Variants in VTI1A observed in about 807,000 individuals in gnomAD.
VTI1A encodes vesicle transport through interaction with t-SNAREs homolog 1A.
In VTI1A, 22 loss-of-function variants were observed where a neutral mutation model predicts 34.9. That is an observed-to-expected ratio of 0.63 (90% CI 0.45 to 0.90). The LOEUF (loss-of-function observed/expected upper bound fraction) is 0.90, where lower values mean the gene tolerates loss of function less well. VTI1A is among the 40% of genes least tolerant of loss of function. The pLI is 0.00. For missense variants in VTI1A, 268 were observed against 275.6 expected (o/e 0.97, Z 0.20); for synonymous variants, 87 against 97.3 (o/e 0.89, Z 0.62).
intron 7 of VTI1A, among the ~76,000 whole-genome samples, chr10:112,707,195 T>C (rs905438886): frequency 6.6e-6 from 1 of 152,140 alleles, no homozygotes; most frequent in South Asian, 2.1e-4. Context: ...GAACTCATTT[T>C]GTCACCTAGG....
chr10:112,562,743 A>C (rs1217181784), intron 5 of VTI1A, among the ~76,000 whole-genome samples: 2 of 152,078 alleles, frequency 1.3e-5, no homozygotes, highest in African/African-American at 4.8e-5. Context: ...AAAAGGGGGG[A>C]AAATCTGTTC....
chr10:112,515,674 G>A (rs1364513031), intron 3 of VTI1A, among the ~76,000 whole-genome samples: 1 of 152,030 alleles, frequency 6.6e-6, no homozygotes, highest in African/African-American at 2.4e-5. Flanking sequence ...GCAACATAAT[G>A]TCACCTTCAT....
chr10:112,660,351 G>C (rs1847402804), intron 5 of VTI1A, among the ~76,000 whole-genome samples: 1 of 152,190 alleles, frequency 6.6e-6, no homozygotes, highest in African/African-American at 2.4e-5. Flanking sequence ...GCCCTCCTCG[G>C]CCTCCCAAAG....
At chr10:112,616,860 G>C (rs2134543636) in intron 5 of VTI1A, among the ~76,000 whole-genome samples, 1 of 152,238 alleles carries the variant, frequency 6.6e-6, no homozygotes, top group East Asian at 1.9e-4. Flanking sequence ...TTTGCAGAAT[G>C]CAACAGAGAG....
At chr10:112,701,484 C>T (rs1388532956) in intron 7 of VTI1A, among the ~76,000 whole-genome samples, 3 of 152,158 alleles carry the variant, frequency 2.0e-5, no homozygotes, top group Non-Finnish European at 4.4e-5. Context: ...TATAAAGCCT[C>T]GTGTTGGTTT....
At chr10:112,646,804 C>T (rs1056367424) in intron 5 of VTI1A, among the ~76,000 whole-genome samples, 1 of 152,190 alleles carries the variant, frequency 6.6e-6, no homozygotes, top group Non-Finnish European at 1.5e-5. Context: ...AGCCACCGCG[C>T]CCGGCTACCA....
At chr10:112,847,385 T>A in the VTI1A span, among the ~76,000 whole-genome samples, 22 of 152,222 alleles carry the variant, frequency 1.4e-4, no homozygotes, top group Non-Finnish European at 2.9e-4. Context: ...TTTGTCTTAA[T>A]ACTCCAGAGT....
At chr10:112,847,122 A>C in the VTI1A span, among the ~76,000 whole-genome samples, 3 of 152,210 alleles carry the variant, frequency 2.0e-5, no homozygotes, top group African/African-American at 7.2e-5. Context: ...GGATCCAAAG[A>C]ATTGAGAGAA....
chr10:112,599,110 C>A (rs1024304346), intron 5 of VTI1A, among the ~76,000 whole-genome samples: 8 of 152,126 alleles, frequency 5.3e-5, no homozygotes, highest in African/African-American at 1.9e-4. Context: ...CCAGAAACTT[C>A]TCTGATAAAG....
chr10:112,571,150 C>T (rs1317583842), intron 5 of VTI1A, among the ~76,000 whole-genome samples: 1 of 152,186 alleles, frequency 6.6e-6, no homozygotes, highest in Non-Finnish European at 1.5e-5. Flanking sequence ...GATTAAATGA[C>T]TTATTCAAAA....
intron 5 of VTI1A, among the ~76,000 whole-genome samples, chr10:112,643,502 C>G (rs137947866): frequency 1.3e-5 from 2 of 152,164 alleles, no homozygotes; most frequent in Non-Finnish European, 2.9e-5. Context: ...TTGTACAAAG[C>G]CCTGAAGTGT....
intron 5 of VTI1A, among the ~76,000 whole-genome samples, chr10:112,587,350 C>T (rs1844201054): frequency 6.6e-6 from 1 of 152,050 alleles, no homozygotes; most frequent in African/African-American, 2.4e-5. Flanking sequence ...ATTGTATGTT[C>T]TTGCCCCAAA....
intron 5 of VTI1A, among the ~76,000 whole-genome samples, chr10:112,585,858 T>C (rs1157983648): frequency 6.6e-6 from 1 of 152,052 alleles, no homozygotes; most frequent in African/African-American, 2.4e-5. Context: ...ATCAACATTA[T>C]CTAGCCTTAA....
intron 5 of VTI1A, among the ~76,000 whole-genome samples, chr10:112,641,289 A>C (rs1564861785): frequency 1.3e-5 from 2 of 152,076 alleles, no homozygotes; most frequent in African/African-American, 4.8e-5. Context: ...CATGTCCCAC[A>C]TTACCTCCCT....
At chr10:112,829,561 G>C in the VTI1A span, among the ~76,000 whole-genome samples, 3 of 152,100 alleles carry the variant, frequency 2.0e-5, no homozygotes, top group Admixed American at 6.5e-5. Flanking sequence ...GACCAGCCTA[G>C]CCAACACGGT....
intron 7 of VTI1A, among the ~76,000 whole-genome samples, chr10:112,720,137 C>G (rs1849749419): frequency 6.6e-6 from 1 of 152,118 alleles, no homozygotes; most frequent in South Asian, 2.1e-4. Context: ...GTTGTTTCTA[C>G]TTTTTGAATA....
chr10:112,618,534 G>GAGAGAGAGAGAGAGAGAGAGAA (rs1554922606), intron 5 of VTI1A, among the ~76,000 whole-genome samples: 4 of 128,830 alleles, frequency 3.1e-5, no homozygotes, highest in Non-Finnish European at 4.8e-5. Flanking sequence ...TAGAGAGAGA[G>GAGAGAGAGAGAGAGAGAGAGAA]AGAGAGAGAG....
intron 7 of VTI1A, among the ~76,000 whole-genome samples, chr10:112,802,994 T>G (rs926724927): frequency 2.6e-5 from 4 of 152,210 alleles, no homozygotes; most frequent in Non-Finnish European, 5.9e-5. Context: ...GTTACTCTTC[T>G]TTTCCCACTT....
At chr10:112,623,589 G>A (rs1223334064) in intron 5 of VTI1A, among the ~76,000 whole-genome samples, 2 of 152,058 alleles carry the variant, frequency 1.3e-5, no homozygotes, top group African/African-American at 2.4e-5. Context: ...TGTGTGGCCA[G>A]GGGCACATTC....
Sources: gnomAD v4.1 joint callset for allele counts (sites outside exome capture counted in the v4.1 genomes callset) on GRCh38, gnomAD v4.1.1 for gene constraint, MANE v1.5 for transcripts, NCBI Gene and HGNC (gene_info 2026-07-23, HGNC 2026-07-21) for gene names.